SCNN1A: variants seen among roughly 807,000 people sequenced by gnomAD.
The protein encoded by SCNN1A is epithelial sodium channel subunit alpha.
SCNN1A carries 65 observed loss-of-function variants against 68.6 expected under a neutral mutation model. The ratio of observed to expected loss-of-function variants is 0.95; its 90% CI spans 0.78 to 1.16. The LOEUF is 1.16. SCNN1A is among the 50% of genes most tolerant of loss of function. The pLI is 0.00. For missense variants in SCNN1A, 880 were observed against 865.9 expected (o/e 1.02, Z -0.20); for synonymous variants, 357 against 353.3 (o/e 1.01, Z -0.12).
At chr12:6,362,312 A>C in intron 3 of SCNN1A, 71 bp from the exon 4 acceptor site, 2 of 1,334,512 alleles carry the variant, frequency 1.5e-6, no homozygotes, top group South Asian at 2.3e-5. Flanking sequence ...CCAAGGGCAA[A>C]GAATGAGTGA....
chr12:6,350,302 G>A (rs921767928), intron 8 of SCNN1A, among the ~76,000 whole-genome samples: 2 of 151,264 alleles, frequency 1.3e-5, no homozygotes, highest in African/African-American at 4.8e-5. Flanking sequence ...CGTGGTGGCG[G>A]GCGCCTGTAG....
chr12:6,365,378 A>G (rs1271843071), intron 2 of SCNN1A, among the ~76,000 whole-genome samples: 9 of 152,218 alleles, frequency 5.9e-5, no homozygotes. Context: ...CTGGAAATGC[A>G]AACAATCTAG....
chr12:6,362,223 C>G lies in SCNN1A; in HGVS notation c.703G>C (p.Asp235His), dbSNP rs1224992597. The G allele has an allele frequency of 6.2e-7, 1 of 1,614,162 alleles. No individual in the cohort carries two copies. Among genetic ancestry groups the G allele is most frequent in the African/African-American group, 1.3e-5 (1 of 75,044 alleles). ...GFQLCNQNKS[D>H]CFYQTYSSGV... ...GATGAGTATGTCTGGTAGAAGCAGT[C>G]CGATTTGTTCTGGTTGCACTGGACA... The change falls in exon 4 of 13, where the codon GAC becomes CAC. Residue 235 changes from aspartate (D) to histidine (H), a missense_variant. Physicochemically the swap from Asp to His is moderately conservative, Grantham distance 81. This residue lies in a region of SCNN1A where 758 missense variants were observed against 721.8 expected (regional missense o/e 1.05). Transcript: ENST00000228916.
intron 12 of SCNN1A, 55 bp downstream of exon 12, chr12:6,348,672 G>GC (rs1948309616): frequency 6.8e-7 from 1 of 1,473,896 alleles, no homozygotes; most frequent in Admixed American, 1.7e-5. Context: ...CCCGACAGCC[G>GC]CCCTGCTAAG....
Position 6,348,306 on chromosome 12 carries a change from T to C in SCNN1A, c.1630-53A>G. 6.2e-6 allele frequency: 10 copies of C among 1,612,536 alleles called. 1 individual carries two copies. The South Asian group carries it at 1.1e-4, about 18-fold the overall frequency. On this transcript the variant is annotated intron_variant, in intron 12 of 12. Transcript: ENST00000228916. ...GGGACAGAGGGTTCTGGATGGACTC[T>C]GGCAGAGGAGCCCCCTTCCCTCCTC...
rs781687956 is a variant in SCNN1A at position 6,348,083 on chromosome 12, C to T, written c.1800G>A (p.Arg600=). The T allele has an allele frequency of 8.7e-6, 14 of 1,613,940 alleles. No homozygotes were observed. The highest frequency in any genetic ancestry group is 1.1e-5 in the Non-Finnish European group (13 of 1,180,002). ...GGGTGGAGGCTACCTCCTGAGCACC[C>T]CTGCCCCCTCGGCCTGGAGACCAGT... ...SRYWSPGRGG[R]GAQEVASTLA... is the part of the protein sequence containing the mutation. The change falls in exon 13 of 13, where the codon AGG becomes AGA. Residue 600 remains arginine (R), a synonymous_variant. Coordinates refer to ENST00000228916, the MANE Select transcript of SCNN1A (RefSeq NM_001038.6).
At chr12:6,360,834 G>A (rs1016929090) in intron 4 of SCNN1A, among the ~76,000 whole-genome samples, 32 of 152,192 alleles carry the variant, frequency 2.1e-4, no homozygotes, top group African/African-American at 7.2e-4. Flanking sequence ...CAGCTGCTAT[G>A]AGCTGCTTGC....
chr12:6,359,122 G>C (rs1450666519), intron 4 of SCNN1A, among the ~76,000 whole-genome samples: 1 of 152,116 alleles, frequency 6.6e-6, no homozygotes, highest in Non-Finnish European at 1.5e-5. Flanking sequence ...CTGCTAATGG[G>C]TACAGGGTTT....
At chr12:6,365,049 A>C (rs1948653068) in intron 2 of SCNN1A, among the ~76,000 whole-genome samples, 2 of 142,170 alleles carry the variant, frequency 1.4e-5, no homozygotes, top group Non-Finnish European at 1.5e-5. Flanking sequence ...TTTGGACAGG[A>C]TCTTGCTCTG....
At chr12:6,362,937 C>A in intron 3 of SCNN1A, among the ~76,000 whole-genome samples, 1 of 97,606 alleles carries the variant, frequency 1.0e-5, no homozygotes, top group Middle Eastern at 4.0e-3. Context: ...CACGCCTAGG[C>A]CTCCCAAAGT....
chr12:6,357,768 C>T (rs892061722), intron 4 of SCNN1A, among the ~76,000 whole-genome samples: 2 of 151,492 alleles, frequency 1.3e-5, no homozygotes, highest in Admixed American at 6.6e-5. Context: ...GAGGCCGAGG[C>T]GGGTGGGGTC....
rs1392854787 is a variant in SCNN1A at position 6,372,147 on chromosome 12, AT to A, written c.416+2220del. ...GCGTGAGGCACCATGCCCAGCGGTTATTTTTTAATTTAATAAATAAATAATG... is the reference window on the plus strand; with the variant it reads ...GCGTGAGGCACCATGCCCAGCGGTTATTTTTAATTTAATAAATAAATAATG... On this transcript the variant is annotated intron_variant, in intron 2 of 12. Transcript: ENST00000228916. This position sits in a 1 kb window ranked among gnomAD's most constrained non-coding sequence, Gnocchi z 5.8. Among the ~76,000 whole-genome samples, 2 of 152,152 alleles carry A rather than the reference AT, an allele frequency of 1.3e-5. No individual in the cohort carries two copies. Among genetic ancestry groups the A allele is most frequent in the Non-Finnish European group, 2.9e-5 (2 of 68,012 alleles).
At chr12:6,364,801 G>T (rs940583195) in intron 2 of SCNN1A, among the ~76,000 whole-genome samples, 2 of 151,246 alleles carry the variant, frequency 1.3e-5, no homozygotes, top group East Asian at 1.9e-4. Context: ...GTCTCAAAAA[G>T]AAATTAATTG....
intron 1 of SCNN1A, chr12:6,375,247 C>T (rs1170103005): frequency 2.1e-6 from 3 of 1,438,392 alleles, no homozygotes; most frequent in Non-Finnish European, 2.7e-6. Context: ...CTCCTGCTCT[C>T]CTCTTTCTGG....
At position 6,363,442 on chromosome 12, in the gene SCNN1A, C is replaced by A; in HGVS notation, c.684+1G>T. ...GGGCCCCTCGGCGCTGCGGGCCTCA[C>A]CAGCTGGAAGCCGATCTTCCAGTCC... On this transcript the variant is annotated splice_donor_variant, in intron 3 of 12. Coordinates refer to ENST00000228916, the MANE Select transcript of SCNN1A (RefSeq NM_001038.6). LOFTEE classifies it high-confidence loss of function. The A allele has an allele frequency of 1.3e-6, 2 of 1,571,756 alleles. No individual in the cohort carries two copies. The highest frequency in any genetic ancestry group is 1.7e-6 in the Non-Finnish European group (2 of 1,160,988).
upstream of SCNN1A, among the ~76,000 whole-genome samples, chr12:6,376,486 C>T (rs1303796344): frequency 6.6e-6 from 1 of 152,210 alleles, no homozygotes; most frequent in Non-Finnish European, 1.5e-5. Context: ...GGAAAGCAGG[C>T]ACTGAAGGTG....
At chr12:6,361,787 C>T (rs920591452) in intron 4 of SCNN1A, among the ~76,000 whole-genome samples, 5 of 152,168 alleles carry the variant, frequency 3.3e-5, no homozygotes, top group African/African-American at 1.2e-4. Context: ...TGCTTCCAGC[C>T]TTTGGTTTCT....
At chr12:6,371,186 A>G (rs889099045) in intron 2 of SCNN1A, among the ~76,000 whole-genome samples, 1 of 151,568 alleles carries the variant, frequency 6.6e-6, no homozygotes, top group Admixed American at 6.6e-5. Context: ...GCTCTGCCTC[A>G]CTCCAGTTCC....
In SCNN1A at chr12:6,374,421, G is replaced by T. The variant is rs751718311; in HGVS notation, c.363C>A (p.Asn121Lys). Residue 121 changes from asparagine to lysine, a missense_variant, in exon 2 of 13, where the codon AAC becomes AAA. Around this residue, in one of 3 missense-constraint regions of SCNN1A, gnomAD observed 758 missense variants for 721.8 expected, o/e 1.05. Coordinates refer to ENST00000228916, the MANE Select transcript of SCNN1A (RefSeq NM_001038.6). The surrounding 1 kb of genome is among the most constrained non-coding windows in gnomAD (Gnocchi z 6.2). ...SYPVSLNINL[N>K]SDKLVFPAVT... ...CTGCGGGGAAGACGAGCTTGTCCGA[G>T]TTGAGGTTGATGTTGAGGCTGACGG... is the stretch of plus-strand genomic sequence containing the variant. 4.3e-6 allele frequency: 7 copies of T among 1,614,114 alleles called. No homozygotes were observed. The East Asian group carries it at 1.6e-4, about 36-fold the overall frequency.
Sources: gnomAD v4.1 joint callset for allele counts (sites outside exome capture counted in the v4.1 genomes callset) on GRCh38, gnomAD v4.1.1 for gene constraint, gnomAD v4.1.1 regional missense constraint, Gnocchi (gnomAD v3.1) non-coding constraint, MANE v1.5 for transcripts, NCBI Gene and HGNC (gene_info 2026-07-23, HGNC 2026-07-21) for gene names.